The following KCNQ1 variants were observed in gnomAD, a reference collection of about 807,000 sequenced individuals.
KCNQ1 encodes potassium voltage-gated channel subfamily Q member 1.
KCNQ1 carries 49 observed loss-of-function variants against 72.4 expected under a neutral mutation model. The ratio of observed to expected loss-of-function variants is 0.68; its 90% CI spans 0.54 to 0.86. KCNQ1 has a LOEUF of 0.86. Ranked by LOEUF, KCNQ1 falls within the 40% of genes least tolerant of loss-of-function variation. KCNQ1 has a pLI of 0.00. For missense variants in KCNQ1, 790 were observed against 945.1 expected, an observed-to-expected ratio of 0.84 and a Z score of 2.15; for synonymous variants, 450 against 412.6, an observed-to-expected ratio of 1.09 and a Z score of -1.10.
At chr11:2,777,798 C>A in intron 14 of KCNQ1, 178 bp from the exon 15 acceptor site, 1 of 645,718 alleles carries the variant, frequency 1.5e-6, no homozygotes, top group Non-Finnish European at 2.8e-6. Context: ...CATGCCCGGC[C>A]ACCGTACCAC....
chr11:2,681,896 A>C (rs917910229), intron 11 of KCNQ1: 9 of 398,432 alleles, frequency 2.3e-5, no homozygotes, highest in African/African-American at 1.9e-4. Context: ...GAGAAAACAC[A>C]CCGGCCATAA....
intron 10 of KCNQ1, chr11:2,610,554 T>C: frequency 2.5e-6 from 1 of 398,464 alleles, no homozygotes; most frequent in South Asian, 1.3e-4. Flanking sequence ...TGGATATATG[T>C]GAACTTCCTG....
At chr11:2,489,049 A>G in intron 1 of KCNQ1, among the ~76,000 whole-genome samples, 1 of 152,224 alleles carries the variant, frequency 6.6e-6, no homozygotes, top group East Asian at 1.9e-4. Flanking sequence ...ACCAAATTTG[A>G]GAACTATCTA....
rs970670102 is a variant in KCNQ1 at position 2,766,622 on chromosome 11, A to G, written c.1515-2222A>G. On this transcript the variant is annotated intron_variant, in intron 11 of 15. Transcript: ENST00000155840. This position sits in a 1 kb window ranked among gnomAD's most constrained non-coding sequence, Gnocchi z 4.4. ...AATCACAGTCTGCCCTCTGGCCATA[A>G]CTTTTCGCATTCTCCCCTATGCAAA... 2.6e-5 allele frequency among the ~76,000 whole-genome samples: 4 copies of G among 152,000 alleles called. No homozygotes were observed. In the South Asian group the frequency reaches 6.2e-4, roughly 24 times the overall value.
rs1215168314 is a variant in KCNQ1 at position 2,493,181 on chromosome 11, C to T, written c.387-34747C>T. ...TCTTTTGAGAAGTATCTGTTCGTATCCTTTACCCACTTTTTGATGGGGTTG... is the reference window on the plus strand; with the variant it reads ...TCTTTTGAGAAGTATCTGTTCGTATTCTTTACCCACTTTTTGATGGGGTTG... On this transcript the variant is annotated intron_variant, in intron 1 of 15. Transcript: ENST00000155840. This position sits in a 1 kb window ranked among gnomAD's most constrained non-coding sequence, Gnocchi z 5.3. Among the ~76,000 whole-genome samples, 2 of 152,112 alleles carry T rather than the reference C, an allele frequency of 1.3e-5. No homozygotes were observed. The highest frequency in any genetic ancestry group is 4.8e-5 in the African/African-American group (2 of 41,422).
At chr11:2,590,431 G>A (rs1848655964) in intron 10 of KCNQ1, among the ~76,000 whole-genome samples, 1 of 152,218 alleles carries the variant, frequency 6.6e-6, no homozygotes, top group East Asian at 1.9e-4. Flanking sequence ...GAGGAAAAGG[G>A]CACCTGTTTT....
intron 15 of KCNQ1, among the ~76,000 whole-genome samples, chr11:2,845,028 G>C (rs1158450122): frequency 1.3e-5 from 2 of 152,138 alleles, no homozygotes; most frequent in Non-Finnish European, 2.9e-5. Flanking sequence ...CGCTCTCGTA[G>C]GTCTCTGGGC....
intron 15 of KCNQ1, chr11:2,840,102 A>G (rs536011979): frequency 2.1e-5 from 3 of 143,092 alleles, no homozygotes; most frequent in Non-Finnish European, 4.6e-5. Context: ...CCTCCTGTTG[A>G]CTGGAGGCCC....
chr11:2,662,430 C>T, intron 11 of KCNQ1: 1 of 505,050 alleles, frequency 2.0e-6, no homozygotes, highest in Non-Finnish European at 3.5e-6. Flanking sequence ...TAGCATTTCC[C>T]CATGGAACCC....
chr11:2,777,108 C>T (rs933441865), intron 14 of KCNQ1, 76 bp downstream of exon 14: 3 of 1,431,454 alleles, frequency 2.1e-6, no homozygotes, highest in South Asian at 1.2e-5. Flanking sequence ...TCCTGGCTCT[C>T]CCCATGATGT....
chr11:2,748,275 GC>G lies in KCNQ1; in HGVS notation c.1515-20568del, dbSNP rs1267005726. The stretch of plus-strand genomic sequence containing the variant: ...CCCCTCAGGAATGCTGGTGAAGCTG[GC>G]ATGCCCCCACCCCCTAGCTCACCCT... On this transcript the variant is annotated intron_variant, in intron 11 of 15. Coordinates refer to ENST00000155840, the MANE Select transcript of KCNQ1 (RefSeq NM_000218.3). The surrounding 1 kb of genome is among the most constrained non-coding windows in gnomAD (Gnocchi z 6.2). Among the ~76,000 whole-genome samples, 6 of 152,140 alleles carry G rather than the reference GC, an allele frequency of 3.9e-5. No homozygotes were observed. Among genetic ancestry groups the G allele is most frequent in the African/African-American group, 7.2e-5 (3 of 41,420 alleles).
chr11:2,805,685 G>A (rs1022901847), intron 15 of KCNQ1, among the ~76,000 whole-genome samples: 12 of 152,198 alleles, frequency 7.9e-5, no homozygotes, highest in African/African-American at 2.9e-4. Flanking sequence ...AGAGAAAAGC[G>A]TGCTAGCCCT....
rs1846478790 is a variant in KCNQ1, at chr11:2,471,954, GTGTT to G, written c.386+26471_386+26474del. Among the ~76,000 whole-genome samples the G allele has an allele frequency of 6.6e-6, 1 of 151,758 alleles. No individual in the cohort carries two copies. The highest frequency in any genetic ancestry group is 2.4e-5 in the African/African-American group (1 of 41,278). ...TGTATGTGTGCGCGTGTGTAGGTGT[GTGTT>G]CATATATATGGGTGTGTGTGCACCT... On this transcript the variant is annotated intron_variant, in intron 1 of 15. Transcript: ENST00000155840. This position sits in a 1 kb window ranked among gnomAD's most constrained non-coding sequence, Gnocchi z 4.8.
chr11:2,656,697 G>A (rs1259158298), intron 10 of KCNQ1: 1 of 398,414 alleles, frequency 2.5e-6, no homozygotes, highest in Non-Finnish European at 4.4e-6. Flanking sequence ...TCTTTAAGGT[G>A]TATTTTGATG....
Position 2,450,551 on chromosome 11 carries a change from C to T in KCNQ1, c.386+5067C>T, listed in dbSNP as rs983547763. ...GCTGGCCAGTATGGGATTGCTGTCA[C>T]TGTGGGTCACTCCAGCCCCGGATGC... is the stretch of plus-strand genomic sequence containing the variant. On this transcript the variant is annotated intron_variant, in intron 1 of 15. Coordinates refer to ENST00000155840, the MANE Select transcript of KCNQ1 (RefSeq NM_000218.3). This position sits in a 1 kb window ranked among gnomAD's most constrained non-coding sequence, Gnocchi z 7.9. Among the ~76,000 whole-genome samples the T allele has an allele frequency of 1.3e-5, 2 of 152,070 alleles. No individual in the cohort carries two copies. The highest frequency in any genetic ancestry group is 2.9e-5 in the Non-Finnish European group (2 of 68,012).
intron 11 of KCNQ1, among the ~76,000 whole-genome samples, chr11:2,721,613 G>A (rs1177028926): frequency 2.0e-5 from 3 of 152,244 alleles, no homozygotes; most frequent in Admixed American, 6.5e-5. Context: ...GGGAGGCCTC[G>A]CGTAGAGTTG....
chr11:2,770,210 C>T (rs1488220339), intron 12 of KCNQ1, among the ~76,000 whole-genome samples: 1 of 152,212 alleles, frequency 6.6e-6, no homozygotes, highest in Non-Finnish European at 1.5e-5. Context: ...GTGGAGCCCC[C>T]ACCCATCTGG....
chr11:2,660,129 C>T (rs1849925561), intron 10 of KCNQ1: 1 of 398,214 alleles, frequency 2.5e-6, no homozygotes, highest in South Asian at 1.3e-4. Flanking sequence ...ATCCAAGGTC[C>T]TGGAGATTTT....
chr11:2,658,672 T>C lies in KCNQ1; in HGVS notation c.1394-3289T>C, dbSNP rs923300051. On this transcript the variant is annotated intron_variant, in intron 10 of 15. Transcript: ENST00000155840. This position sits in a 1 kb window ranked among gnomAD's most constrained non-coding sequence, Gnocchi z 4.9. ...TATCATTGCTTCAGTCTCCTCTCAGTGGACAGAGCTAGGAAATATATGTAT... is the reference window on the plus strand; with the variant it reads ...TATCATTGCTTCAGTCTCCTCTCAGCGGACAGAGCTAGGAAATATATGTAT... 3 of 398,394 alleles carry C rather than the reference T, an allele frequency of 7.5e-6. No individual in the cohort carries two copies. Among genetic ancestry groups the C allele is most frequent in the African/African-American group, 6.2e-5 (3 of 48,608 alleles). The allele number at this position is 398,394 out of a possible 1,614,324, so 24.7% of individuals were successfully genotyped here. A position where few individuals can be genotyped will look rare whatever the true frequency, so the allele number is the denominator to read the frequency against.
Sources: allele counts gnomAD v4.1 joint callset (sites outside exome capture counted in the v4.1 genomes callset), GRCh38; gene constraint gnomAD v4.1.1; non-coding constraint Gnocchi (gnomAD v3.1); transcripts MANE v1.5; gene names NCBI Gene and HGNC (gene_info 2026-07-23, HGNC 2026-07-21).